Variants in DMC1 observed in about 807,000 individuals in gnomAD.
The protein encoded by DMC1 is DNA meiotic recombinase 1.
In DMC1, 27 loss-of-function variants were observed where a neutral mutation model predicts 50.1. The observed-to-expected ratio is 0.54, with a 90% CI of 0.40 to 0.74. The LOEUF is 0.74. Ranked by LOEUF, DMC1 falls within the 30% of genes least tolerant of loss-of-function variation. The pLI is 0.00. For missense variants in DMC1, 295 were observed against 420.2 expected (o/e 0.70, Z 2.60); for synonymous variants, 148 against 136.1 (o/e 1.09, Z -0.61).
chr22:38,548,866 C>T (rs1396521286), intron 8 of DMC1, among the ~76,000 whole-genome samples: 1 of 151,880 alleles, frequency 6.6e-6, no homozygotes, highest in Non-Finnish European at 1.5e-5. Flanking sequence ...AAAATTAGTA[C>T]ATTAAAATGA....
At chr22:38,552,546 T>G in intron 7 of DMC1, 120 bp downstream of exon 7, 2 of 790,230 alleles carry the variant, frequency 2.5e-6, no homozygotes, top group Admixed American at 2.2e-5. Flanking sequence ...AATCTGCCTG[T>G]GTTTTAGTTT....
At chr22:38,561,770 A>G (rs1415421004) in intron 5 of DMC1, among the ~76,000 whole-genome samples, 2 of 152,232 alleles carry the variant, frequency 1.3e-5, no homozygotes, top group Non-Finnish European at 2.9e-5. Context: ...AACACATGAA[A>G]CACTAATTCT....
At chr22:38,551,491 G>T (rs1201474650) in intron 7 of DMC1, among the ~76,000 whole-genome samples, 2 of 151,604 alleles carry the variant, frequency 1.3e-5, no homozygotes, top group Non-Finnish European at 2.9e-5. Flanking sequence ...ACCAGGCCCA[G>T]CTAACTTTTG....
intron 8 of DMC1, among the ~76,000 whole-genome samples, chr22:38,543,230 G>GTTTTT (rs1234016755): frequency 7.6e-6 from 1 of 131,542 alleles, no homozygotes; most frequent in Non-Finnish European, 1.7e-5. Flanking sequence ...CCTGTAAATT[G>GTTTTT]TTTTTTTTTT....
chr22:38,552,005 C>T (rs988199230), intron 7 of DMC1, among the ~76,000 whole-genome samples: 2 of 152,032 alleles, frequency 1.3e-5, no homozygotes, highest in East Asian at 1.9e-4. Flanking sequence ...GGACTACAGG[C>T]GCCCGCCACC....
chr22:38,547,090 CAG>C (rs1228459195), intron 8 of DMC1, among the ~76,000 whole-genome samples: 4 of 152,158 alleles, frequency 2.6e-5, no homozygotes, highest in Admixed American at 6.6e-5. Flanking sequence ...TTGGTAGAGA[CAG>C]AGTCTTGCTA....
intron 8 of DMC1, among the ~76,000 whole-genome samples, chr22:38,545,340 T>C (rs998926477): frequency 1.3e-5 from 2 of 152,082 alleles, no homozygotes; most frequent in African/African-American, 2.4e-5. Flanking sequence ...GAGTCCTGGA[T>C]GTTGAGGCAG....
chr22:38,521,317 T>C (rs1458255837), intron 13 of DMC1, among the ~76,000 whole-genome samples: 2 of 152,134 alleles, frequency 1.3e-5, no homozygotes, highest in Non-Finnish European at 2.9e-5. Context: ...TATGTGTCAA[T>C]AGAATCCCTC....
chr22:38,512,653 C>G, the DMC1 span, among the ~76,000 whole-genome samples: 1 of 152,198 alleles, frequency 6.6e-6, no homozygotes, highest in Non-Finnish European at 1.5e-5. Context: ...GAGTGTTAAG[C>G]AAGCCCCTCC....
intron 8 of DMC1, among the ~76,000 whole-genome samples, chr22:38,547,764 C>T (rs1307113440): frequency 6.6e-6 from 1 of 152,176 alleles, no homozygotes; most frequent in African/African-American, 2.4e-5. Flanking sequence ...GTCTCGAACT[C>T]CTGACCTCAG....
intron 12 of DMC1, among the ~76,000 whole-genome samples, chr22:38,530,300 G>C (rs532770168): frequency 3.9e-5 from 6 of 152,054 alleles, no homozygotes; most frequent in Admixed American, 3.3e-4. Flanking sequence ...TGGGGGAAAG[G>C]GGAGTACCGC....
At chr22:38,517,768 GA>G (rs765883207), downstream of DMC1, among the ~76,000 whole-genome samples, 1 of 152,278 alleles carries the variant, frequency 6.6e-6, no homozygotes, top group Middle Eastern at 3.4e-3. Flanking sequence ...TCTGCTCCTA[GA>G]TGACTTTATT....
intron 8 of DMC1, among the ~76,000 whole-genome samples, chr22:38,541,332 C>T (rs1041324244): frequency 6.6e-6 from 1 of 152,130 alleles, no homozygotes. Flanking sequence ...CACTCTGTTG[C>T]TCAGGCTGGA....
rs4987164 is a variant in DMC1, at chr22:38,538,510, C to G, written c.660+29G>C. 44,007 of 1,610,292 alleles carry G rather than the reference C, an allele frequency of 0.027. 1,216 individuals are homozygous for G. Among genetic ancestry groups the G allele is most frequent in the East Asian group, 0.14 (6,251 of 44,848 alleles). ...AAGAAAAATATTATGCTAAATAGCT[C>G]TGTGAAAGCAATATTTAAAAGCTTG... is the stretch of plus-strand genomic sequence containing the variant. On this transcript the variant is annotated intron_variant, in intron 10 of 13. Transcript: ENST00000216024.
chr22:38,552,538 T>A, intron 7 of DMC1, 128 bp downstream of exon 7: 1 of 755,268 alleles, frequency 1.3e-6, no homozygotes, highest in Non-Finnish European at 2.3e-6. Context: ...GTTTACTTAA[T>A]CTGCCTGTGT....
At chr22:38,557,565 G>A (rs1275284603) in intron 5 of DMC1, among the ~76,000 whole-genome samples, 1 of 152,090 alleles carries the variant, frequency 6.6e-6, no homozygotes, top group Non-Finnish European at 1.5e-5. Context: ...AATTAGCCAG[G>A]TATGCTGGCC....
intron 12 of DMC1, among the ~76,000 whole-genome samples, chr22:38,535,659 GT>G (rs961006309): frequency 6.6e-6 from 1 of 151,374 alleles, no homozygotes; most frequent in African/African-American, 2.4e-5. Flanking sequence ...CCAGGCTGGA[GT>G]GCAGTGGCAC....
chr22:38,545,382 G>C (rs1209983327), intron 8 of DMC1, among the ~76,000 whole-genome samples: 1 of 152,166 alleles, frequency 6.6e-6, no homozygotes, highest in Non-Finnish European at 1.5e-5. Flanking sequence ...TTGCACTCCA[G>C]CCTAGGCGAC....
At chr22:38,566,860 G>T in intron 3 of DMC1, 124 bp from the exon 4 acceptor site, 1 of 953,972 alleles carries the variant, frequency 1.0e-6, no homozygotes. Flanking sequence ...CAAGCTGCCA[G>T]GTGGAACCCA....
Sources: gnomAD v4.1 joint callset for allele counts (sites outside exome capture counted in the v4.1 genomes callset) on GRCh38, gnomAD v4.1.1 for gene constraint, MANE v1.5 for transcripts, NCBI Gene and HGNC (gene_info 2026-07-23, HGNC 2026-07-21) for gene names.